The following PATJ variants were observed in gnomAD, a reference collection of about 807,000 sequenced individuals.
PATJ encodes the protein inaD-like protein.
Under a neutral mutation model 224.9 loss-of-function variants are expected in PATJ, and 190 were observed. That is an observed-to-expected ratio of 0.84 (90% CI 0.75 to 0.95). The LOEUF (loss-of-function observed/expected upper bound fraction) is 0.95. PATJ is among the 40% of genes least tolerant of loss of function. The pLI, the probability that PATJ is intolerant of heterozygous loss-of-function variation, is 0.00. For synonymous variants in PATJ, 769 were observed against 820.3 expected, an observed-to-expected ratio of 0.94 and a Z score of 1.07; for missense variants, 2,121 against 2,270.3, an observed-to-expected ratio of 0.93 and a Z score of 1.34.
rs924643841 is a variant in PATJ, at chr1:62,037,863, A to G, written c.3960-114A>G. 2.3e-5 allele frequency: 9 copies of G among 398,220 alleles called. No individual in the cohort carries two copies. In the Admixed American group the frequency reaches 3.6e-4, roughly 16 times the overall value. The allele number at this position is 398,220 out of a possible 1,614,324, so 24.7% of individuals were successfully genotyped here. ...CTATATATTTATATATATATATTTA[A>G]TTCTATGATGCTGTGTGTGCATTTT... On this transcript the variant is annotated intron_variant, in intron 29 of 43. Transcript: ENST00000642238.
At chr1:61,987,177 A>G (rs182329538) in intron 27 of PATJ, among the ~76,000 whole-genome samples, 6 of 152,070 alleles carry the variant, frequency 3.9e-5, no homozygotes, top group Admixed American at 3.9e-4. Flanking sequence ...TTGTTAATTT[A>G]TAATTTTTTT....
At chr1:61,950,698 ATGTT>A (rs1297265455) in intron 27 of PATJ, among the ~76,000 whole-genome samples, 1 of 152,134 alleles carries the variant, frequency 6.6e-6, no homozygotes, top group Non-Finnish European at 1.5e-5. Flanking sequence ...ATATTTGAGT[ATGTT>A]TGTTCTTTTT....
intron 35 of PATJ, chr1:62,114,833 G>A (rs1350390626): frequency 6.6e-6 from 1 of 152,298 alleles, no homozygotes. Context: ...CAAGGCTATA[G>A]TGTGCTATGA....
chr1:61,816,432 C>G (rs1045037193), intron 14 of PATJ: 1 of 152,058 alleles, frequency 6.6e-6, no homozygotes, highest in African/African-American at 2.4e-5. Flanking sequence ...CTTGCTTAGG[C>G]AGCACATATA....
In PATJ at chr1:62,096,909, G is replaced by A. The variant is rs1002170583; in HGVS notation, c.4378-11528G>A. On this transcript the variant is annotated intron_variant, in intron 33 of 43. Coordinates refer to ENST00000642238, the MANE Select transcript of PATJ (RefSeq NM_001350145.3). Reference sequence around the variant, plus strand: ...TGGGATTACAGGCGTGAGCCACTGCGCCCGGCCCAACATAGATGTTTTATA... The same window carrying A: ...TGGGATTACAGGCGTGAGCCACTGCACCCGGCCCAACATAGATGTTTTATA... Among the ~76,000 whole-genome samples the A allele has an allele frequency of 7.2e-5, 11 of 152,028 alleles. No homozygotes were observed. The East Asian group carries it at 9.6e-4, about 13-fold the overall frequency.
chr1:62,045,309 T>G (rs893800034), intron 30 of PATJ, among the ~76,000 whole-genome samples: 1 of 151,926 alleles, frequency 6.6e-6, no homozygotes, highest in African/African-American at 2.4e-5. Flanking sequence ...TACTCTCAAA[T>G]AAAATAGCAT....
At chr1:62,071,549 G>A (rs1657412568) in intron 31 of PATJ, among the ~76,000 whole-genome samples, 1 of 143,204 alleles carries the variant, frequency 7.0e-6, no homozygotes, top group African/African-American at 2.6e-5. Context: ...CTGGAGTGCA[G>A]TGGTGCAATC....
rs544305055 is a variant in PATJ at position 61,921,923 on chromosome 1, T to C, written c.3571-5807T>C. On this transcript the variant is annotated intron_variant, in intron 26 of 43. Transcript: ENST00000642238. ...TGTGCAGTTTTGTACATGTCAATTA[T>C]ACTTCAATATATTGAATTAAAGCTG... is the stretch of plus-strand genomic sequence containing the variant. Among the ~76,000 whole-genome samples the C allele has an allele frequency of 3.9e-5, 6 of 152,206 alleles. No homozygotes were observed. In the South Asian group the frequency reaches 1.0e-3, roughly 26 times the overall value.
chr1:62,140,145 T>A (rs890560247), intron 41 of PATJ, among the ~76,000 whole-genome samples: 3 of 152,168 alleles, frequency 2.0e-5, no homozygotes, highest in South Asian at 2.1e-4. Flanking sequence ...ATCACGTTTC[T>A]CATTCAGCCC....
chr1:61,899,157 G>A (rs1670779777), intron 22 of PATJ, among the ~76,000 whole-genome samples: 1 of 152,124 alleles, frequency 6.6e-6, no homozygotes, highest in South Asian at 2.1e-4. Context: ...GCTAGAAAGA[G>A]GGATCATATT....
At chr1:61,975,691 G>GAC in intron 27 of PATJ, among the ~76,000 whole-genome samples, 1 of 151,996 alleles carries the variant, frequency 6.6e-6, no homozygotes, top group Admixed American at 6.5e-5. Context: ...AAGCATTTCA[G>GAC]TATCTCTGCC....
At chr1:62,115,024 G>C (rs1398705596) in intron 35 of PATJ, 1 of 152,136 alleles carries the variant, frequency 6.6e-6, no homozygotes, top group African/African-American at 2.4e-5. Flanking sequence ...AATATATGTT[G>C]CTGCCAGATG....
At chr1:61,742,878 C>T (rs1380017413) in intron 1 of PATJ, among the ~76,000 whole-genome samples, 1 of 151,680 alleles carries the variant, frequency 6.6e-6, no homozygotes, top group African/African-American at 2.4e-5. Context: ...TCGCCGAGGC[C>T]GCGGGCAGGG....
At chr1:62,117,411 C>G (rs1664557914) in intron 37 of PATJ, 193 bp downstream of exon 37, 1 of 1,408,522 alleles carries the variant, frequency 7.1e-7, no homozygotes. Context: ...CTAGATTTTT[C>G]TCTCCTTTAT....
chr1:61,766,654 G>C (rs1338291166), intron 4 of PATJ, among the ~76,000 whole-genome samples, 181 bp downstream of exon 4: 13 of 152,056 alleles, frequency 8.5e-5, no homozygotes. Flanking sequence ...AAAATTTATT[G>C]ACTTAAAATT....
At chr1:61,996,524 G>C (rs1011623393) in intron 28 of PATJ, among the ~76,000 whole-genome samples, 3 of 152,090 alleles carry the variant, frequency 2.0e-5, no homozygotes, top group Non-Finnish European at 4.4e-5. Flanking sequence ...CTGTCATCTA[G>C]ATTGGCTTTT....
intron 17 of PATJ, among the ~76,000 whole-genome samples, chr1:61,839,906 A>ATAT (rs1214058840): frequency 3.3e-5 from 5 of 152,076 alleles, no homozygotes; most frequent in Non-Finnish European, 5.9e-5. Context: ...AAATCATAAT[A>ATAT]ACATAGCCAT....
chr1:61,955,837 A>G (rs1197698188), intron 27 of PATJ, among the ~76,000 whole-genome samples: 1 of 152,194 alleles, frequency 6.6e-6, no homozygotes, highest in Non-Finnish European at 1.5e-5. Context: ...CATCTTCTCA[A>G]GTAATCCATT....
chr1:61,829,432 T>C (rs1658918309), intron 16 of PATJ, among the ~76,000 whole-genome samples: 1 of 152,218 alleles, frequency 6.6e-6, no homozygotes, highest in Non-Finnish European at 1.5e-5. Flanking sequence ...GCCTTTAATC[T>C]AATCTTGCAA....
Sources: gnomAD v4.1 joint callset for allele counts (sites outside exome capture counted in the v4.1 genomes callset) on GRCh38, gnomAD v4.1.1 for gene constraint, MANE v1.5 for transcripts, NCBI Gene and HGNC (gene_info 2026-07-23, HGNC 2026-07-21) for gene names.